SLC27A6: variants seen among roughly 807,000 people sequenced by gnomAD.
SLC27A6 encodes the protein solute carrier family 27 member 6, also known as long-chain fatty acid transport protein 6.
In SLC27A6, 74 loss-of-function variants were observed where a neutral mutation model predicts 63.9. That is an observed-to-expected ratio of 1.16 (90% confidence interval 0.96 to 1.40). SLC27A6 has a LOEUF of 1.40. Ranked by LOEUF, SLC27A6 falls within the 40% of genes most tolerant of loss-of-function variation. SLC27A6 has a pLI of 0.00. For synonymous variants in SLC27A6, 287 were observed against 260.8 expected, an observed-to-expected ratio of 1.10 and a Z score of -0.97; for missense variants, 794 against 732.9, an observed-to-expected ratio of 1.08 and a Z score of -0.96.
intron 4 of SLC27A6, among the ~76,000 whole-genome samples, chr5:129,007,298 G>A (rs1751573735): frequency 6.6e-6 from 1 of 151,728 alleles, no homozygotes; most frequent in South Asian, 2.1e-4. Flanking sequence ...ACAAAAATTA[G>A]CCAGGTGTGG....
intron 1 of SLC27A6, among the ~76,000 whole-genome samples, chr5:128,973,280 TGG>T (rs1165788536): frequency 5.9e-5 from 9 of 152,214 alleles, no homozygotes; most frequent in Non-Finnish European, 1.0e-4. Flanking sequence ...AACTCCCTGC[TGG>T]GAGAACCACT....
rs1366675190 is a variant in SLC27A6 at position 128,966,328 on chromosome 5, C to A, written c.191C>A (p.Ala64Asp). Residue 64 changes from alanine (A) to aspartate (D), a missense_variant, in exon 1 of 10, where the codon GCC (alanine) becomes GAC (aspartate). By Grantham distance (126) the Ala-to-Asp change is moderately radical. Transcript: ENST00000262462. The part of the protein sequence containing the change: ...VTVLDKFLSH[A>D]KRQPRKPFII... ...GTGCTGGATAAATTCTTGAGTCATG[C>A]CAAAAGACAACCTCGGAAACCTTTC... 1.9e-6 allele frequency: 3 copies of A among 1,614,040 alleles called. No homozygotes were observed. Among genetic ancestry groups the A allele is most frequent in the Non-Finnish European group, 2.5e-6 (3 of 1,180,004 alleles).
chr5:129,002,778 G>C (rs1420792859), intron 4 of SLC27A6, among the ~76,000 whole-genome samples: 1 of 152,172 alleles, frequency 6.6e-6, no homozygotes, highest in East Asian at 1.9e-4. Flanking sequence ...TGCAAAATGA[G>C]AATAATTCTT....
Position 129,028,453 on chromosome 5 carries a change from A to G in SLC27A6, c.1552+11A>G. On this transcript the variant is annotated intron_variant, in intron 8 of 9. Transcript: ENST00000262462. ...GTGTGGCTATATCAGGTATAAATAT[A>G]TTTCAGATTTTGGAAAGATTCTTAG... The G allele has an allele frequency of 6.7e-7, 1 of 1,501,792 alleles. No individual in the cohort carries two copies. Among genetic ancestry groups the G allele is most frequent in the Non-Finnish European group, 9.2e-7 (1 of 1,089,142 alleles). The allele number at this position is 1,501,792 out of a possible 1,614,324, so 93.0% of individuals were successfully genotyped here.
At chr5:129,005,518 T>A (rs1051768566) in intron 4 of SLC27A6, among the ~76,000 whole-genome samples, 1 of 152,132 alleles carries the variant, frequency 6.6e-6, no homozygotes, top group Non-Finnish European at 1.5e-5. Flanking sequence ...TTTTAAGCTT[T>A]GTGGGTTATA....
At chr5:128,999,927 G>A (rs987493976) in intron 4 of SLC27A6, among the ~76,000 whole-genome samples, 143 of 152,290 alleles carry the variant, frequency 9.4e-4, no homozygotes, top group African/African-American at 3.2e-3. Context: ...GAGGAGAGAA[G>A]CAAAGAGTTC....
chr5:129,030,601 C>G (rs1474645053), intron 9 of SLC27A6, among the ~76,000 whole-genome samples: 1 of 151,738 alleles, frequency 6.6e-6, no homozygotes, highest in Non-Finnish European at 1.5e-5. Flanking sequence ...TAACAACAAC[C>G]CTCTGAAACA....
chr5:129,015,781 T>C (rs1751870312), intron 4 of SLC27A6, 104 bp from the exon 5 acceptor site: 1 of 766,262 alleles, frequency 1.3e-6, no homozygotes, highest in Non-Finnish European at 2.1e-6. Flanking sequence ...CCTTCTGTTA[T>C]TGCACATATG....
chr5:128,967,843 T>C (rs1749969231), intron 1 of SLC27A6, among the ~76,000 whole-genome samples: 1 of 152,198 alleles, frequency 6.6e-6, no homozygotes, highest in Non-Finnish European at 1.5e-5. Flanking sequence ...ACATGTGCCA[T>C]GTTAGTGTGC....
At chr5:128,994,309 A>G (rs1297081025) in intron 4 of SLC27A6, among the ~76,000 whole-genome samples, 1 of 152,234 alleles carries the variant, frequency 6.6e-6, no homozygotes, top group Non-Finnish European at 1.5e-5. Context: ...GCTTTACCCA[A>G]AGGGAAACTT....
intron 2 of SLC27A6, among the ~76,000 whole-genome samples, chr5:128,986,694 G>A (rs1378115278): frequency 1.3e-5 from 2 of 152,120 alleles, no homozygotes; most frequent in Non-Finnish European, 1.5e-5. Context: ...ACCTAATCAG[G>A]TCTATTGAAT....
At chr5:129,018,049 A>C (rs182572271) in intron 5 of SLC27A6, among the ~76,000 whole-genome samples, 1 of 152,240 alleles carries the variant, frequency 6.6e-6, no homozygotes, top group Non-Finnish European at 1.5e-5. Context: ...TTTGGTTGAT[A>C]ATCTCTCTCC....
intron 4 of SLC27A6, among the ~76,000 whole-genome samples, chr5:129,005,608 A>ATTTTTT (rs34048257): frequency 1.6e-4 from 16 of 98,924 alleles, no homozygotes; most frequent in East Asian, 6.0e-4. Flanking sequence ...GTCTGGTTGT[A>ATTTTTT]TTTTTTTTTT....
chr5:128,968,665 C>G (rs1468638605), intron 1 of SLC27A6, among the ~76,000 whole-genome samples: 1 of 151,974 alleles, frequency 6.6e-6, no homozygotes, highest in Non-Finnish European at 1.5e-5. Context: ...AGATATTAGC[C>G]ATTTGTCAGA....
At chr5:129,010,879 A>G (rs1468622230) in intron 4 of SLC27A6, among the ~76,000 whole-genome samples, 2 of 152,180 alleles carry the variant, frequency 1.3e-5, no homozygotes, top group South Asian at 2.1e-4. Flanking sequence ...GTCCTGAATC[A>G]CACAAACCAG....
chr5:128,966,605 A>G lies in SLC27A6; in HGVS notation c.468A>G (p.Leu156=). ...NCIRACGPRA[L]VVGADLLGTV... ...TCCGCGCCTGTGGGCCCAGAGCCCTAGTGGTGGGCGCAGGTAGAGTATGGG... is the reference window on the plus strand; with the variant it reads ...TCCGCGCCTGTGGGCCCAGAGCCCTGGTGGTGGGCGCAGGTAGAGTATGGG... Residue 156 remains leucine (L), a synonymous_variant, in exon 1 of 10, where the codon CTA becomes CTG. Transcript: ENST00000262462. 1 of 1,525,162 alleles carries G rather than the reference A, an allele frequency of 6.6e-7. No homozygotes were observed. 94.5% of individuals were successfully genotyped at this position (1,525,162 alleles called of 1,614,324 possible).
chr5:128,989,889 A>T (rs1012020146), intron 3 of SLC27A6, among the ~76,000 whole-genome samples: 1 of 147,598 alleles, frequency 6.8e-6, no homozygotes, highest in South Asian at 2.2e-4. Context: ...GTGCCACTGC[A>T]CTCCAGCCTG....
intron 1 of SLC27A6, among the ~76,000 whole-genome samples, chr5:128,974,266 T>G (rs1207424727): frequency 6.6e-6 from 1 of 152,194 alleles, no homozygotes; most frequent in South Asian, 2.1e-4. Context: ...GTTTTCTTAT[T>G]TTTGTTTTTA....
intron 1 of SLC27A6, among the ~76,000 whole-genome samples, chr5:128,974,440 T>C (rs1017950389): frequency 3.9e-5 from 6 of 152,216 alleles, no homozygotes; most frequent in Non-Finnish European, 8.8e-5. Context: ...TTTCCAAAGA[T>C]GGAAAAATTC....
Sources: gnomAD v4.1 joint callset for allele counts (sites outside exome capture counted in the v4.1 genomes callset) on GRCh38, gnomAD v4.1.1 for gene constraint, MANE v1.5 for transcripts, NCBI Gene and HGNC (gene_info 2026-07-23, HGNC 2026-07-21) for gene names.